The following ADAM23 variants were observed in gnomAD, a reference collection of about 807,000 sequenced individuals.
The protein encoded by ADAM23 is disintegrin and metalloproteinase domain-containing protein 23.
ADAM23 carries 33 observed loss-of-function variants against 120.1 expected under a neutral mutation model. The observed-to-expected ratio is 0.27, with a 90% CI of 0.21 to 0.37. The LOEUF (loss-of-function observed/expected upper bound fraction) is 0.37. Among genes scored for constraint, ADAM23 ranks in the 10% least tolerant of loss-of-function variants. The pLI, the probability that ADAM23 is intolerant of heterozygous loss-of-function variation, is 1.00. For synonymous variants in ADAM23, 367 were observed against 375.2 expected (o/e 0.98, Z 0.25); for missense variants, 862 against 1,058.2 (o/e 0.81, Z 2.57).
chr2:206,472,611 A>AG (rs1553547876), intron 2 of ADAM23, among the ~76,000 whole-genome samples: 5,672 of 67,236 alleles, frequency 0.084, 157 homozygotes, highest in Middle Eastern at 0.14. Context: ...ACTCCATCTC[A>AG]GGGGAAAAAA....
At chr2:206,475,853 G>A (rs1695763117) in intron 2 of ADAM23, among the ~76,000 whole-genome samples, 4 of 151,758 alleles carry the variant, frequency 2.6e-5, no homozygotes, top group South Asian at 2.1e-4. Flanking sequence ...ACTCTTGAAG[G>A]GTCTATTGAA....
chr2:206,551,841 T>G (rs181201627), intron 9 of ADAM23, among the ~76,000 whole-genome samples: 53 of 152,356 alleles, frequency 3.5e-4, no homozygotes, highest in Middle Eastern at 3.4e-3. Flanking sequence ...TATTTTCTGT[T>G]CCAGTTGCCT....
chr2:206,592,839 A>T (rs1431485000), intron 22 of ADAM23, 103 bp downstream of exon 22: 1 of 1,383,790 alleles, frequency 7.2e-7, no homozygotes, highest in Non-Finnish European at 9.8e-7. Context: ...TCTAGTTTTT[A>T]CAAGAGGAAA....
chr2:206,470,420 T>G (rs1695632473), intron 2 of ADAM23, among the ~76,000 whole-genome samples: 1 of 152,114 alleles, frequency 6.6e-6, no homozygotes, highest in Non-Finnish European at 1.5e-5. Context: ...ATTCTAAATG[T>G]TAGTTTTAAA....
chr2:206,508,311 C>T (rs925165304), intron 3 of ADAM23, among the ~76,000 whole-genome samples: 1 of 152,166 alleles, frequency 6.6e-6, no homozygotes, highest in Non-Finnish European at 1.5e-5. Context: ...CAGGCGTGAG[C>T]CACTGTGTCC....
chr2:206,559,918 GT>G, intron 10 of ADAM23, 36 bp from the exon 11 acceptor site: 1 of 1,575,608 alleles, frequency 6.3e-7, no homozygotes, highest in Non-Finnish European at 8.6e-7. Context: ...TTGACCCAGT[GT>G]TTTCCTCCTG....
At chr2:206,535,764 T>C (rs1369484169) in intron 4 of ADAM23, among the ~76,000 whole-genome samples, 1 of 152,168 alleles carries the variant, frequency 6.6e-6, no homozygotes, top group Non-Finnish European at 1.5e-5. Context: ...GGCAAATTCA[T>C]AGGAACTGAA....
intron 24 of ADAM23, chr2:206,607,879 A>G: frequency 3.0e-6 from 1 of 338,404 alleles, no homozygotes; most frequent in South Asian, 2.0e-5. Flanking sequence ...AATTCCATGG[A>G]CAGTTTTTTT....
chr2:206,464,427 T>C (rs914913542), intron 2 of ADAM23, among the ~76,000 whole-genome samples: 1 of 151,858 alleles, frequency 6.6e-6, no homozygotes, highest in Non-Finnish European at 1.5e-5. Flanking sequence ...ATACAAAAAT[T>C]AGCCGGGCGT....
At chr2:206,487,240 C>T (rs945993829) in intron 3 of ADAM23, among the ~76,000 whole-genome samples, 1 of 152,174 alleles carries the variant, frequency 6.6e-6, no homozygotes, top group African/African-American at 2.4e-5. Context: ...GCATTGATCT[C>T]ATGGAACTTA....
chr2:206,522,758 C>A (rs932177620), intron 3 of ADAM23, among the ~76,000 whole-genome samples: 4 of 151,576 alleles, frequency 2.6e-5, no homozygotes, highest in African/African-American at 4.8e-5. Context: ...TAACTATGTG[C>A]AGAAGATAGG....
intron 2 of ADAM23, among the ~76,000 whole-genome samples, chr2:206,455,625 C>T (rs1363484753): frequency 6.6e-6 from 1 of 152,238 alleles, no homozygotes; most frequent in East Asian, 1.9e-4. Context: ...TCTCTTCATT[C>T]ACGCATATGG....
chr2:206,489,576 A>T (rs1460331836), intron 3 of ADAM23, among the ~76,000 whole-genome samples: 1 of 152,182 alleles, frequency 6.6e-6, no homozygotes, highest in Non-Finnish European at 1.5e-5. Context: ...GCTTTCTATT[A>T]TGGTGATAGA....
chr2:206,451,987 G>A (rs116465484), intron 2 of ADAM23, among the ~76,000 whole-genome samples: 2,615 of 152,308 alleles, frequency 0.017, 44 homozygotes, highest in Non-Finnish European at 0.024. Flanking sequence ...GTATTGACAC[G>A]TGCTTGCAGA....
At chr2:206,502,815 T>G (rs545002557) in intron 3 of ADAM23, among the ~76,000 whole-genome samples, 1 of 152,292 alleles carries the variant, frequency 6.6e-6, no homozygotes, top group Non-Finnish European at 1.5e-5. Flanking sequence ...AGTGTTATGC[T>G]ATAGATCTCT....
chr2:206,495,017 G>A (rs561310801), intron 3 of ADAM23, among the ~76,000 whole-genome samples: 8 of 152,240 alleles, frequency 5.3e-5, no homozygotes, highest in Non-Finnish European at 7.4e-5. Flanking sequence ...CCAAATCTAC[G>A]TCTAATTGGT....
At position 206,573,148 on chromosome 2, in the gene ADAM23, G is replaced by A. The variant is rs757346363; in HGVS notation, c.1690G>A (p.Val564Met). 1.9e-6 allele frequency: 3 copies of A among 1,614,008 alleles called. No individual in the cohort carries two copies. The South Asian group carries it at 3.3e-5, about 18-fold the overall frequency. The change falls in exon 18 of 26, where the codon GTG becomes ATG. Residue 564 changes from valine to methionine, a missense_variant. Around this residue, in one of 4 missense-constraint regions of ADAM23, gnomAD observed 617 missense variants for 813.5 expected, o/e 0.76. Transcript: ENST00000264377. ...ACGAGGGTATGAATGCCGGGATGCT[G>A]TGAACGAGTGTGATATTACTGAATA... Reference protein sequence around the residue: ...QPRGYECRDAVNECDITEYCT... With the variant: ...QPRGYECRDAMNECDITEYCT...
In ADAM23 at chr2:206,548,352, A is replaced by G; in HGVS notation, c.865A>G (p.Asn289Asp). ...GTTGAAAAGAAGGAAGAGAGCAGTG[A>G]ATGTGAGTGTGGCATTGAGCCTTGG... is the stretch of plus-strand genomic sequence containing the variant. ...QWLKRRKRAVNPSRGIFEEMK... is the reference protein window; with the variant it reads ...QWLKRRKRAVDPSRGIFEEMK... Residue 289 changes from asparagine (N) to aspartate (D), a missense_variant and splice_region_variant, in exon 8 of 26, where the codon AAT becomes GAT. By Grantham distance (23) the Asn-to-Asp change is conservative. This residue lies in a region of ADAM23 where 617 missense variants were observed against 813.5 expected (regional missense o/e 0.76). Coordinates refer to ENST00000264377, the MANE Select transcript of ADAM23 (RefSeq NM_003812.4). 2 of 1,608,430 alleles carry G rather than the reference A, an allele frequency of 1.2e-6. No homozygotes were observed. The highest frequency in any genetic ancestry group is 1.7e-6 in the Non-Finnish European group (2 of 1,179,876).
intron 25 of ADAM23, among the ~76,000 whole-genome samples, chr2:206,616,863 C>T (rs1220013114): frequency 1.3e-5 from 2 of 152,138 alleles, no homozygotes. Flanking sequence ...TTTCTTTTCT[C>T]TTTAAACATA....
Sources: allele counts gnomAD v4.1 joint callset (sites outside exome capture counted in the v4.1 genomes callset), GRCh38; gene constraint gnomAD v4.1.1; regional missense constraint gnomAD v4.1.1; transcripts MANE v1.5; gene names NCBI Gene and HGNC (gene_info 2026-07-23, HGNC 2026-07-21).